The following UNC93A variants were observed in gnomAD, a reference collection of about 807,000 sequenced individuals.
UNC93A encodes unc-93 homolog A.
UNC93A carries 43 observed loss-of-function variants against 47.5 expected under a neutral mutation model. That is an observed-to-expected ratio of 0.91 (90% CI 0.71 to 1.17). The LOEUF (loss-of-function observed/expected upper bound fraction) is 1.17, where lower values mean the gene tolerates loss of function less well. Among genes scored for constraint, UNC93A ranks in the 50% most tolerant of loss-of-function variants. The pLI is 0.00. For missense variants in UNC93A, 605 were observed against 577.6 expected, an observed-to-expected ratio of 1.05 and a Z score of -0.49; for synonymous variants, 280 against 258.0, an observed-to-expected ratio of 1.09 and a Z score of -0.82.
At chr6:167,296,866 T>C (rs1173512494) in intron 3 of UNC93A, among the ~76,000 whole-genome samples, 1 of 152,172 alleles carries the variant, frequency 6.6e-6, no homozygotes, top group Non-Finnish European at 1.5e-5. Flanking sequence ...AGGAAAACTT[T>C]CCCAACGGGG....
In UNC93A at chr6:167,314,405, G is replaced by A. The variant is rs143984644; in HGVS notation, c.1109-782G>A. Among the ~76,000 whole-genome samples the A allele has an allele frequency of 1.8e-4, 28 of 152,130 alleles. 1 individual carries two copies. Among genetic ancestry groups the A allele is most frequent in the African/African-American group, 4.8e-4 (20 of 41,410 alleles). Reference sequence around the variant, plus strand: ...AGGTCACCGCACACCCTGCCTCACCGGGGCTCAGGCTGCCACTGTCCCTGC... The same window carrying A: ...AGGTCACCGCACACCCTGCCTCACCAGGGCTCAGGCTGCCACTGTCCCTGC... On this transcript the variant is annotated intron_variant, in intron 7 of 7. Coordinates refer to ENST00000230256, the MANE Select transcript of UNC93A (RefSeq NM_018974.4).
rs1045074253 is a variant in UNC93A at position 167,284,259 on chromosome 6, T to C, written c.-51-7180T>C. Among the ~76,000 whole-genome samples the C allele has an allele frequency of 8.2e-4, 125 of 151,856 alleles. 1 individual carries two copies. The highest frequency in any genetic ancestry group is 1.4e-3 in the Non-Finnish European group (95 of 68,032). ...GCATGGAATCTTTCTTCTTGTTTTTTAAACTTTATGTGACATTTTTCTTCA... is the reference window on the plus strand; with the variant it reads ...GCATGGAATCTTTCTTCTTGTTTTTCAAACTTTATGTGACATTTTTCTTCA... On this transcript the variant is annotated intron_variant, in intron 1 of 3. Transcript: ENST00000503433.
rs1218656100 is a variant in UNC93A, at chr6:167,291,451, T to G, written c.-39T>G. ...TGGTTTCTTTTAGGGAGCTACAAAT[T>G]TACGTGTTCACTGGTGATTGATCTT... On this transcript the variant is annotated 5_prime_UTR_variant, in exon 1 of 8. The change creates a new upstream start codon in the 5' untranslated region. Coordinates refer to ENST00000230256, the MANE Select transcript of UNC93A (RefSeq NM_018974.4). 6.3e-7 allele frequency: 1 copy of G among 1,592,120 alleles called. No individual in the cohort carries two copies. Among genetic ancestry groups the G allele is most frequent in the African/African-American group, 1.4e-5 (1 of 73,806 alleles).
intron 1 of UNC93A, among the ~76,000 whole-genome samples, chr6:167,285,799 T>G (rs551836972): frequency 6.6e-6 from 1 of 151,816 alleles, no homozygotes; most frequent in African/African-American, 2.4e-5. Context: ...AAGTGTAGTT[T>G]TCTTTAAAAA....
intron 6 of UNC93A, among the ~76,000 whole-genome samples, chr6:167,306,995 T>TG (rs1355580415): frequency 3.3e-5 from 5 of 152,176 alleles, no homozygotes; most frequent in African/African-American, 1.2e-4. Flanking sequence ...GCTACCTGCC[T>TG]GGGGGGTCTG....
chr6:167,281,338 T>G (rs1783630368), intron 1 of UNC93A, among the ~76,000 whole-genome samples: 1 of 152,128 alleles, frequency 6.6e-6, no homozygotes, highest in Non-Finnish European at 1.5e-5. Context: ...ACTCCCAAGC[T>G]GCCTGTTTAT....
chr6:167,313,205 C>T (rs911511859), intron 7 of UNC93A, among the ~76,000 whole-genome samples: 2 of 152,184 alleles, frequency 1.3e-5, no homozygotes, highest in African/African-American at 4.8e-5. Flanking sequence ...TTCTGGGTCC[C>T]CAAGTCCTCC....
At position 167,284,653 on chromosome 6, in the gene UNC93A, A is replaced by G. The variant is rs535845621; in HGVS notation, c.-51-6786A>G. Among the ~76,000 whole-genome samples, 9 of 152,408 alleles carry G rather than the reference A, an allele frequency of 5.9e-5. 1 individual carries two copies. The East Asian group carries it at 1.7e-3, about 29-fold the overall frequency. ...GCTCAATATCATTCATTAACTGAAC[A>G]CACTGGGTAAGAAAAACACAGGATA... is the stretch of plus-strand genomic sequence containing the variant. On this transcript the variant is annotated intron_variant, in intron 1 of 3. Coordinates refer to the UNC93A transcript ENST00000503433.
intron 7 of UNC93A, among the ~76,000 whole-genome samples, chr6:167,311,972 G>T (rs1447695348): frequency 7.8e-6 from 1 of 128,860 alleles, no homozygotes; most frequent in Non-Finnish European, 1.7e-5. Context: ...GTTCCTCCAG[G>T]CTTCCCACGA....
chr6:167,300,036 G>T (rs1430978314), intron 4 of UNC93A, among the ~76,000 whole-genome samples: 1 of 150,800 alleles, frequency 6.6e-6, no homozygotes, highest in African/African-American at 2.5e-5. Flanking sequence ...GGCCAGCAGG[G>T]TCCGTGTGGG....
rs180918800 is a variant in UNC93A, at chr6:167,285,829, G to A, written c.-51-5610G>A. Among the ~76,000 whole-genome samples, 756 of 151,560 alleles carry A rather than the reference G, an allele frequency of 5.0e-3. 11 individuals are homozygous for A. The highest frequency in any genetic ancestry group is 0.017 in the African/African-American group (710 of 41,402). On this transcript the variant is annotated intron_variant, in intron 1 of 3. Transcript: ENST00000503433. ...TAAAAATTGTATTCTTCTTAAATTA[G>A]ATATTCTTCTTTAAAGTATAGAAGT...
chr6:167,289,213 C>T (rs1562346034), upstream of UNC93A, among the ~76,000 whole-genome samples: 2 of 152,242 alleles, frequency 1.3e-5, no homozygotes, highest in Non-Finnish European at 2.9e-5. Flanking sequence ...GTGTAGGCTG[C>T]GGGAAGGCAG....
intron 2 of UNC93A, 135 bp downstream of exon 2, chr6:167,294,833 G>A (rs1192495966): frequency 1.3e-5 from 13 of 967,050 alleles, no homozygotes; most frequent in Non-Finnish European, 1.8e-5. Flanking sequence ...TCCTGCCCCT[G>A]CACCCCCGCC....
intron 1 of UNC93A, among the ~76,000 whole-genome samples, chr6:167,293,963 A>C (rs1777971502): frequency 6.6e-6 from 1 of 152,164 alleles, no homozygotes; most frequent in African/African-American, 2.4e-5. Flanking sequence ...GGCGGCCTGC[A>C]GTTTCCAGGA....
At position 167,291,528 on chromosome 6, in the gene UNC93A, T is replaced by G; in HGVS notation, c.39T>G (p.Phe13Leu). 1.9e-6 allele frequency: 3 copies of G among 1,613,972 alleles called. No individual in the cohort carries two copies. In the East Asian group the frequency reaches 6.7e-5, roughly 36 times the overall value. ...TAAGGAACGTCCTTGTGGTTTCCTTTGGGTTCCTGCTTCTCTTTACAGCCT... is the reference window on the plus strand; with the variant it reads ...TAAGGAACGTCCTTGTGGTTTCCTTGGGGTTCCTGCTTCTCTTTACAGCCT... ...RSLRNVLVVS[F>L]GFLLLFTAYG... The change falls in exon 1 of 8, where the codon TTT becomes TTG. Residue 13 changes from phenylalanine (F) to leucine (L), a missense_variant. Phe to Leu is a conservative substitution (Grantham distance 22). Transcript: ENST00000230256.
At chr6:167,272,908 A>G (rs1280961872) in intron 1 of UNC93A, among the ~76,000 whole-genome samples, 4 of 152,150 alleles carry the variant, frequency 2.6e-5, no homozygotes, top group Non-Finnish European at 5.9e-5. Flanking sequence ...GGATATAATG[A>G]GGTCTGTCCG....
rs1025218268 is a variant in UNC93A, at chr6:167,291,425, T to C, written c.-65T>C. On this transcript the variant is annotated 5_prime_UTR_variant, in exon 1 of 8. Transcript: ENST00000230256. ...ACTGATTGTTTTTCCCATGCCTCAA[T>C]TGGTTTCTTTTAGGGAGCTACAAAT... 56 of 1,442,002 alleles carry C rather than the reference T, an allele frequency of 3.9e-5. 1 individual carries two copies. The Admixed American group carries it at 8.2e-4, about 21-fold the overall frequency. The allele number at this position is 1,442,002 out of a possible 1,614,324, so 89.3% of individuals were successfully genotyped here.
chr6:167,308,051 G>T, intron 7 of UNC93A, 141 bp downstream of exon 7: 1 of 1,205,614 alleles, frequency 8.3e-7, no homozygotes, highest in South Asian at 1.6e-5. Context: ...AGAGGGCTTT[G>T]ATGTCGCCTC....
At chr6:167,278,409 G>A (rs902916575) in intron 1 of UNC93A, among the ~76,000 whole-genome samples, 3 of 152,172 alleles carry the variant, frequency 2.0e-5, no homozygotes, top group African/African-American at 4.8e-5. Context: ...AAAGCTGCAC[G>A]GTGGGTGCAT....
Sources: allele counts gnomAD v4.1 joint callset (sites outside exome capture counted in the v4.1 genomes callset), GRCh38; gene constraint gnomAD v4.1.1; transcripts MANE v1.5; gene names NCBI Gene and HGNC (gene_info 2026-07-23, HGNC 2026-07-21).